PCA3: variants seen among roughly 807,000 people sequenced by gnomAD.
PCA3 encodes Differential Display code 3.
chr9:76,784,795 G>C (rs548114692), intron 2 of PCA3: 1 of 152,284 alleles, frequency 6.6e-6, no homozygotes, highest in South Asian at 2.1e-4. Context: ...TGATCATTAC[G>C]GAGTGAATTA....
chr9:76,765,910 C>T (rs894377112), intron 2 of PCA3, among the ~76,000 whole-genome samples: 1 of 152,090 alleles, frequency 6.6e-6, no homozygotes, highest in Non-Finnish European at 1.5e-5. Flanking sequence ...AGGCCAGACG[C>T]GGTGGCTCAC....
chr9:76,778,816 A>G (rs2054071364), intron 2 of PCA3: 1 of 152,212 alleles, frequency 6.6e-6, no homozygotes, highest in Non-Finnish European at 1.5e-5. Context: ...CACCAAATTT[A>G]ATATATGTCA....
rs2053716463 is a variant in PCA3, at chr9:76,776,216, C to G, written n.853-32367C>G. On this transcript the variant is annotated intron_variant and non_coding_transcript_variant, in intron 2 of 5. Coordinates refer to ENST00000644657, the Ensembl canonical transcript of PCA3. Reference sequence around the variant, plus strand: ...ATATTGAGTAGTGGTGAAGTCTGAGCTTTTAGTGTAGCCATCACCTGAATA... The same window carrying G: ...ATATTGAGTAGTGGTGAAGTCTGAGGTTTTAGTGTAGCCATCACCTGAATA... Among the ~76,000 whole-genome samples, 3 of 152,226 alleles carry G rather than the reference C, an allele frequency of 2.0e-5. No individual in the cohort carries two copies. In the South Asian group the frequency reaches 6.2e-4, roughly 32 times the overall value.
At chr9:76,775,023 A>G (rs1166677188) in intron 2 of PCA3, among the ~76,000 whole-genome samples, 3 of 152,184 alleles carry the variant, frequency 2.0e-5, no homozygotes, top group Non-Finnish European at 4.4e-5. Flanking sequence ...GCACTCTGTA[A>G]TCACTCAGTG....
chr9:76,780,470 G>T (rs2054254017), intron 2 of PCA3, among the ~76,000 whole-genome samples: 1 of 152,010 alleles, frequency 6.6e-6, no homozygotes, highest in African/African-American at 2.4e-5. Flanking sequence ...GGCGGATCAC[G>T]AGGCCAGGAG....
intron 2 of PCA3, among the ~76,000 whole-genome samples, chr9:76,765,529 G>A (rs899879292): frequency 6.6e-6 from 1 of 152,126 alleles, no homozygotes; most frequent in Non-Finnish European, 1.5e-5. Flanking sequence ...TTGCATTCTA[G>A]CAATTAGCAC....
intron 2 of PCA3, among the ~76,000 whole-genome samples, chr9:76,768,070 C>T (rs1435762300): frequency 6.6e-6 from 1 of 152,186 alleles, no homozygotes; most frequent in Non-Finnish European, 1.5e-5. Context: ...ACCTCCCAGC[C>T]CCACCAATCC....
chr9:76,769,518 C>T (rs570931739), intron 2 of PCA3, among the ~76,000 whole-genome samples: 1 of 152,114 alleles, frequency 6.6e-6, no homozygotes. Flanking sequence ...CTCCGCCCCC[C>T]GGGTTCAAGT....
chr9:76,772,358 A>T (rs957222048), intron 2 of PCA3, among the ~76,000 whole-genome samples: 1 of 152,088 alleles, frequency 6.6e-6, no homozygotes, highest in African/African-American at 2.4e-5. Flanking sequence ...TTAAATGGCA[A>T]TAGTCATTTT....
intron 2 of PCA3, among the ~76,000 whole-genome samples, chr9:76,776,436 G>A (rs777037507): frequency 7.3e-5 from 11 of 149,814 alleles, no homozygotes; most frequent in Non-Finnish European, 1.6e-4. Context: ...ATGATCTCCA[G>A]TTCCATCCAT....
intron 2 of PCA3, among the ~76,000 whole-genome samples, chr9:76,768,583 A>ATGTG (rs55793596): frequency 0.02 from 2,092 of 103,300 alleles, 64 homozygotes; most frequent in Admixed American, 0.085. Flanking sequence ...ATGTATATGT[A>ATGTG]TGTGTGTGTG....
At chr9:76,769,843 C>T (rs1056226294) in intron 2 of PCA3, among the ~76,000 whole-genome samples, 12 of 152,106 alleles carry the variant, frequency 7.9e-5, no homozygotes, top group South Asian at 2.1e-4. Context: ...TTCAAAAAAG[C>T]GGTAGCAATT....
At chr9:76,767,569 G>A (rs189737832) in intron 2 of PCA3, among the ~76,000 whole-genome samples, 10 of 152,218 alleles carry the variant, frequency 6.6e-5, no homozygotes, top group African/African-American at 2.4e-4. Flanking sequence ...CTATTTTCCA[G>A]AACCTTCGCT....
chr9:76,787,545 T>C (rs576665125), intron 2 of PCA3: 1 of 152,272 alleles, frequency 6.6e-6, no homozygotes, highest in Admixed American at 6.5e-5. Context: ...TCCCAGAACG[T>C]AAAGTAAAAT....
intron 2 of PCA3, among the ~76,000 whole-genome samples, chr9:76,772,549 T>C (rs776212182): frequency 6.6e-6 from 1 of 152,168 alleles, no homozygotes; most frequent in Non-Finnish European, 1.5e-5. Flanking sequence ...CTGCAACTTG[T>C]GAACATGGTA....
chr9:76,775,784 C>G (rs1795031794), intron 2 of PCA3, among the ~76,000 whole-genome samples: 1 of 152,228 alleles, frequency 6.6e-6, no homozygotes, highest in South Asian at 2.1e-4. Flanking sequence ...AGAAAAAGCA[C>G]AAGGATTGCT....
At chr9:76,775,399 C>T (rs201577883) in intron 2 of PCA3, among the ~76,000 whole-genome samples, 4 of 152,098 alleles carry the variant, frequency 2.6e-5, no homozygotes, top group East Asian at 3.9e-4. Context: ...CAGGCTCAAG[C>T]GATCCTCTCA....
intron 2 of PCA3, among the ~76,000 whole-genome samples, chr9:76,775,901 C>G (rs1472437652): frequency 2.1e-5 from 3 of 145,062 alleles, no homozygotes; most frequent in African/African-American, 8.3e-5. Context: ...TTCCATTACT[C>G]CCCTCCTCCT....
At chr9:76,780,011 C>T (rs965635294) in intron 2 of PCA3, 4 of 152,118 alleles carry the variant, frequency 2.6e-5, no homozygotes, top group African/African-American at 9.7e-5. Context: ...TAAAATCCAT[C>T]GTCAGACAAG....
Sources: gnomAD v4.1 joint callset for allele counts (sites outside exome capture counted in the v4.1 genomes callset) on GRCh38, gnomAD v4.1.1 for gene constraint, MANE v1.5 for transcripts, NCBI Gene and HGNC (gene_info 2026-07-23, HGNC 2026-07-21) for gene names.